Variants in ZNF221 observed in about 807,000 individuals in gnomAD.
ZNF221 encodes zinc finger protein 221.
ZNF221 carries 10 observed loss-of-function variants against 12.6 expected under a neutral mutation model. The ratio of observed to expected loss-of-function variants is 0.79; its 90% confidence interval spans 0.49 to 1.34. ZNF221 has a LOEUF of 1.34. ZNF221 is among the 40% of genes most tolerant of loss of function. The pLI is 0.00. For synonymous variants in ZNF221, 232 were observed against 244.0 expected, an observed-to-expected ratio of 0.95 and a Z score of 0.46; for missense variants, 661 against 721.4, an observed-to-expected ratio of 0.92 and a Z score of 0.96.
chr19:43,964,309 T>C (rs534174505), intron 2 of ZNF221, among the ~76,000 whole-genome samples: 2 of 152,226 alleles, frequency 1.3e-5, no homozygotes, highest in Non-Finnish European at 2.9e-5. Flanking sequence ...AGGAAACTAA[T>C]GCATGTAGGT....
intron 1 of ZNF221, among the ~76,000 whole-genome samples, chr19:43,957,792 T>C (rs1045766885): frequency 2.0e-5 from 3 of 152,160 alleles, no homozygotes; most frequent in East Asian, 3.8e-4. Context: ...GTTGTTCAGT[T>C]TTGCAAGAGT....
At chr19:43,960,880 G>T (rs1974831142) in intron 1 of ZNF221, among the ~76,000 whole-genome samples, 1 of 152,212 alleles carries the variant, frequency 6.6e-6, no homozygotes, top group African/African-American at 2.4e-5. Flanking sequence ...CTGCCACAGT[G>T]GGGGAGCCCC....
chr19:43,971,383 G>T (rs191438121), downstream of ZNF221, among the ~76,000 whole-genome samples: 4 of 152,144 alleles, frequency 2.6e-5, no homozygotes, highest in East Asian at 3.9e-4. Context: ...CATCATGATG[G>T]CAGGATCAAA....
rs1269322034 is a variant in ZNF221 at position 43,966,440 on chromosome 19, A to G, written c.938A>G (p.Asp313Gly). ...IHTGEKPFKC[D>G]ICGKSFRVRS... ...ACTGGGGAGAAGCCATTCAAATGTG[A>G]TATATGTGGTAAGAGCTTCCGTGTT... Residue 313 changes from aspartate (D) to glycine (G), a missense_variant, in exon 5 of 5, where the codon GAT becomes GGT. Physicochemically the swap from Asp to Gly is moderately conservative, Grantham distance 94 (BLOSUM62 -1). Transcript: ENST00000587682. 1 of 1,614,068 alleles carries G rather than the reference A, an allele frequency of 6.2e-7. No homozygotes were observed. Among genetic ancestry groups the G allele is most frequent in the Non-Finnish European group, 8.5e-7 (1 of 1,180,042 alleles).
intron 1 of ZNF221, among the ~76,000 whole-genome samples, chr19:43,951,735 C>T (rs1008438474): frequency 6.6e-6 from 1 of 151,722 alleles, no homozygotes; most frequent in Non-Finnish European, 1.5e-5. Flanking sequence ...GAATGGCGAT[C>T]TCTTGTTAAT....
chr19:43,956,500 GC>G (rs1349107612), intron 1 of ZNF221, among the ~76,000 whole-genome samples: 2 of 145,574 alleles, frequency 1.4e-5, no homozygotes, highest in African/African-American at 5.0e-5. Flanking sequence ...ACTCCCCCCA[GC>G]CATTTTATCC....
chr19:43,965,349 C>T, intron 4 of ZNF221, 24 bp downstream of exon 4: 1 of 1,580,630 alleles, frequency 6.3e-7, no homozygotes, highest in Non-Finnish European at 8.6e-7. Flanking sequence ...AACTGTGCAT[C>T]CTTGTACATG....
At chr19:43,980,798 G>C in the ZNF221 span, among the ~76,000 whole-genome samples, 7 of 152,160 alleles carry the variant, frequency 4.6e-5, no homozygotes, top group South Asian at 1.4e-3. Flanking sequence ...TCCTCATTGA[G>C]GCGTGCTACT....
At position 43,967,156 on chromosome 19, in the gene ZNF221, C is replaced by T. The variant is rs866446173; in HGVS notation, c.1654C>T (p.His552Tyr). Reference sequence around the variant, plus strand: ...CAACAGTAAATTTAATCTTGACATGCACCAGAGGGTCCACGGGGGAGAGCG... The same window carrying T: ...CAACAGTAAATTTAATCTTGACATGTACCAGAGGGTCCACGGGGGAGAGCG... ...GYNSKFNLDM[H>Y]QRVHGGERPY... The change falls in exon 5 of 5, where the codon CAC (histidine) becomes TAC (tyrosine). Residue 552 changes from histidine to tyrosine, a missense_variant. Coordinates refer to ENST00000587682, the MANE Select transcript of ZNF221 (RefSeq NM_001297588.2). The T allele has an allele frequency of 6.3e-7, 1 of 1,594,020 alleles. No individual in the cohort carries two copies. The highest frequency in any genetic ancestry group is 8.6e-7 in the Non-Finnish European group (1 of 1,167,546).
the ZNF221 span, among the ~76,000 whole-genome samples, chr19:43,973,102 G>A: frequency 6.6e-6 from 1 of 152,150 alleles, no homozygotes; most frequent in Non-Finnish European, 1.5e-5. Context: ...TTCAACATAT[G>A]CAAATCAATA....
chr19:43,973,257 T>C, the ZNF221 span, among the ~76,000 whole-genome samples: 1 of 152,054 alleles, frequency 6.6e-6, no homozygotes, highest in Non-Finnish European at 1.5e-5. Context: ...CTCAAAATAA[T>C]AAGAGCCATA....
At position 43,966,791 on chromosome 19, in the gene ZNF221, G is replaced by T; in HGVS notation, c.1289G>T (p.Gly430Val). The T allele has an allele frequency of 6.2e-7, 1 of 1,614,166 alleles. No individual in the cohort carries two copies. The highest frequency in any genetic ancestry group is 8.5e-7 in the Non-Finnish European group (1 of 1,180,036). ...TTCAAATGTGAAGAATGTGGGAAGG[G>T]ATTTTATACAAATTCACGACGATCT... ...KSFKCEECGK[G>V]FYTNSRRSSH... Residue 430 changes from glycine to valine, a missense_variant, in exon 5 of 5, where the codon GGA (glycine) becomes GTA (valine). Gly to Val is a moderately radical substitution (Grantham distance 109). Coordinates refer to ENST00000587682, the MANE Select transcript of ZNF221 (RefSeq NM_001297588.2).
In ZNF221 at chr19:43,966,033, G is replaced by T; in HGVS notation, c.531G>T (p.Gln177His). The change falls in exon 5 of 5, where the codon CAG becomes CAT. Residue 177 changes from glutamine to histidine, a missense_variant. By Grantham distance (24) the Gln-to-His change is conservative. Transcript: ENST00000587682. Reference sequence around the variant, plus strand: ...CTTACCGTTGTAATGAATGTAAACAGTCCTTCAGTGATGTTTCTGTCTTTG... The same window carrying T: ...CTTACCGTTGTAATGAATGTAAACATTCCTTCAGTGATGTTTCTGTCTTTG... ...QKPYRCNECK[Q>H]SFSDVSVFDL... The T allele has an allele frequency of 6.2e-7, 1 of 1,614,242 alleles. No individual in the cohort carries two copies. The highest frequency in any genetic ancestry group is 8.5e-7 in the Non-Finnish European group (1 of 1,180,036).
intron 1 of ZNF221, among the ~76,000 whole-genome samples, chr19:43,951,720 A>G (rs1974673171): frequency 6.6e-6 from 1 of 152,194 alleles, no homozygotes; most frequent in Admixed American, 6.5e-5. Flanking sequence ...AGTTTTTGTT[A>G]TAGTGAATGG....
At chr19:43,964,257 A>G (rs1223268833) in intron 2 of ZNF221, among the ~76,000 whole-genome samples, 1 of 152,144 alleles carries the variant, frequency 6.6e-6, no homozygotes, top group East Asian at 1.9e-4. Flanking sequence ...TCCTTCTTTA[A>G]TCCTTGAAAA....
At position 43,966,280 on chromosome 19, in the gene ZNF221, G is replaced by A. The variant is rs1366137195; in HGVS notation, c.778G>A (p.Gly260Arg). 3.1e-6 allele frequency: 5 copies of A among 1,613,290 alleles called. No homozygotes were observed. In the South Asian group the frequency reaches 4.4e-5, roughly 14 times the overall value. The change falls in exon 5 of 5, where the codon GGG (glycine) becomes AGG (arginine). Residue 260 changes from glycine (G) to arginine (R), a missense_variant. Transcript: ENST00000587682. Reference sequence around the variant, plus strand: ...GAAACCATTCAAATGTGGGCAATGTGGGAAAGGCTTCCATAGTAGATCAGC... The same window carrying A: ...GAAACCATTCAAATGTGGGCAATGTAGGAAAGGCTTCCATAGTAGATCAGC... ...GEKPFKCGQC[G>R]KGFHSRSALN...
In ZNF221 at chr19:43,966,545, G is replaced by A. The variant is rs752244630; in HGVS notation, c.1043G>A (p.Arg348His). Residue 348 changes from arginine to histidine, a missense_variant, in exon 5 of 5, where the codon CGT (arginine) becomes CAT (histidine). Coordinates refer to ENST00000587682, the MANE Select transcript of ZNF221 (RefSeq NM_001297588.2). ...FRCDTCGKNF[R>H]QRSALNSHSM... ...TGTGATACATGTGGCAAGAACTTTCGTCAGAGATCAGCACTTAATAGTCAT... is the reference window on the plus strand; with the variant it reads ...TGTGATACATGTGGCAAGAACTTTCATCAGAGATCAGCACTTAATAGTCAT... 3.7e-5 allele frequency: 59 copies of A among 1,613,914 alleles called. No homozygotes were observed. Among genetic ancestry groups the A allele is most frequent in the East Asian group, 1.6e-4 (7 of 44,884 alleles).
chr19:43,979,511 A>G, the ZNF221 span, among the ~76,000 whole-genome samples: 1 of 151,878 alleles, frequency 6.6e-6, no homozygotes, highest in African/African-American at 2.4e-5. Context: ...ATGTGAGATA[A>G]TGTCAGTGGG....
rs1377069466 is a variant in ZNF221, at chr19:43,967,118, G to A, written c.1616G>A (p.Cys539Tyr). Residue 539 changes from cysteine to tyrosine, a missense_variant, in exon 5 of 5, where the codon TGT (cysteine) becomes TAT (tyrosine). Cys to Tyr is a radical substitution (Grantham distance 194). Coordinates refer to ENST00000587682, the MANE Select transcript of ZNF221 (RefSeq NM_001297588.2). ...GAAAAGCTATACAAATGTGAGCAGT[G>A]TGAGAAGGGGTACAACAGTAAATTT... ...TGEKLYKCEQ[C>Y]EKGYNSKFNL... is the part of the protein sequence containing the mutation. The A allele has an allele frequency of 6.3e-7, 1 of 1,595,426 alleles. No homozygotes were observed.
Sources: gnomAD v4.1 joint callset for allele counts (sites outside exome capture counted in the v4.1 genomes callset) on GRCh38, gnomAD v4.1.1 for gene constraint, MANE v1.5 for transcripts, NCBI Gene and HGNC (gene_info 2026-07-23, HGNC 2026-07-21) for gene names.